SLC38A8: variants seen among roughly 807,000 people sequenced by gnomAD.
SLC38A8 encodes amino acid transporter SLC38A8.
A neutral mutation model predicts 46.0 loss-of-function variants in SLC38A8; 65 were observed. The observed-to-expected ratio is 1.41, with a 90% confidence interval of 1.16 to 1.74. The LOEUF is 1.74. Ranked by LOEUF, SLC38A8 falls within the 40% of genes most tolerant of loss-of-function variation. The pLI is 0.00. For missense variants in SLC38A8, 998 were observed against 567.9 expected (o/e 1.76, Z -7.70); for synonymous variants, 447 against 243.7 (o/e 1.83, Z -7.77).
At chr16:84,022,384 G>A (rs1467169303) in intron 7 of SLC38A8, among the ~76,000 whole-genome samples, 2 of 152,182 alleles carry the variant, frequency 1.3e-5, no homozygotes, top group South Asian at 2.1e-4. Flanking sequence ...GAGCACCTGA[G>A]TCCACTGCAC....
At chr16:84,017,105 T>G in intron 8 of SLC38A8, 35 bp downstream of exon 8, 1 of 1,611,806 alleles carries the variant, frequency 6.2e-7, no homozygotes, top group Non-Finnish European at 8.5e-7. Flanking sequence ...CAGCAGACCA[T>G]GCTTCACGGT....
intron 4 of SLC38A8, among the ~76,000 whole-genome samples, chr16:84,033,002 G>C (rs1459996338): frequency 6.7e-6 from 1 of 149,508 alleles, no homozygotes; most frequent in African/African-American, 2.5e-5. Context: ...GTGCATGGGG[G>C]GGTGTGGGTA....
rs375081603 is a variant in SLC38A8, at chr16:84,024,610, G to A, written c.691-1721C>T. Among the ~76,000 whole-genome samples the A allele has an allele frequency of 4.1e-4, 62 of 151,634 alleles. 1 individual carries two copies. The East Asian group carries it at 6.9e-3, about 17-fold the overall frequency. On this transcript the variant is annotated intron_variant, in intron 6 of 10. Transcript: ENST00000299709. The stretch of plus-strand genomic sequence containing the variant: ...AGCCTGGCCAACATGGTGAAACCCC[G>A]TCTCTACTAAAAGTATAAAAATTAG...
chr16:84,043,194 C>T (rs1047455176), upstream of SLC38A8, among the ~76,000 whole-genome samples: 8 of 152,168 alleles, frequency 5.3e-5, no homozygotes, highest in African/African-American at 1.4e-4. Context: ...TTGTTGAACG[C>T]TTGGGGGAGG....
intron 3 of SLC38A8, 25 bp downstream of exon 3, chr16:84,036,677 C>A: frequency 6.2e-7 from 1 of 1,613,410 alleles, no homozygotes; most frequent in East Asian, 2.2e-5. Flanking sequence ...CCCTGGGCCA[C>A]CCCGAGTCCC....
chr16:84,028,297 G>C (rs188509181), intron 6 of SLC38A8, among the ~76,000 whole-genome samples: 2 of 152,060 alleles, frequency 1.3e-5, no homozygotes, highest in Non-Finnish European at 2.9e-5. Context: ...AATAAGCAGC[G>C]TGGCCAGGCA....
In SLC38A8 at chr16:84,042,035, G is replaced by T. The variant is rs757575334; in HGVS notation, c.123C>A (p.Gly41=). Reference sequence around the variant, plus strand: ...AGAAGGCCCAGGGGAAGTTGAGCAGGCCAGCTCCCAGCGCGGACTTCATGA... The same window carrying T: ...AGAAGGCCCAGGGGAAGTTGAGCAGTCCAGCTCCCAGCGCGGACTTCATGA... ...FILMKSALGA[G]LLNFPWAFSK... Residue 41 remains glycine, a synonymous_variant, in exon 2 of 11, where the codon GGC becomes GGA. Transcript: ENST00000299709. 2 of 1,613,840 alleles carry T rather than the reference G, an allele frequency of 1.2e-6. No homozygotes were observed. Among genetic ancestry groups the T allele is most frequent in the Admixed American group, 1.7e-5 (1 of 59,990 alleles).
rs201468844 is a variant in SLC38A8, at chr16:84,022,776, C to G, written c.804G>C (p.Thr268=). 1.2e-5 allele frequency: 20 copies of G among 1,613,762 alleles called. No homozygotes were observed. In the East Asian group the frequency reaches 2.7e-4, roughly 22 times the overall value. The change falls in exon 7 of 11, where the codon ACG becomes ACC. Residue 268 remains threonine (T), a splice_region_variant and synonymous_variant. Coordinates refer to ENST00000299709, the MANE Select transcript of SLC38A8 (RefSeq NM_001080442.3). The part of the protein sequence containing the change: ...LLACCLIYSL[T]GVYGFLTFGT... Reference sequence around the variant, plus strand: ...AGGGGTGCCTGGGAAGGGCCTTACCCGTCAGTGAATAGATGAGGCAGCAGG... The same window carrying G: ...AGGGGTGCCTGGGAAGGGCCTTACCGGTCAGTGAATAGATGAGGCAGCAGG...
chr16:84,021,217 C>A (rs1165583823), intron 7 of SLC38A8, among the ~76,000 whole-genome samples: 1 of 152,184 alleles, frequency 6.6e-6, no homozygotes, highest in East Asian at 1.9e-4. Flanking sequence ...TGCCCCGCCA[C>A]CATGCTCGGC....
At chr16:84,024,654 A>G (rs1232027293) in intron 6 of SLC38A8, among the ~76,000 whole-genome samples, 9 of 152,026 alleles carry the variant, frequency 5.9e-5, no homozygotes, top group Non-Finnish European at 8.8e-5. Context: ...GGTGGCAAGC[A>G]CCTGTAATCC....
At chr16:84,034,729 A>G (rs35968034) in intron 3 of SLC38A8, among the ~76,000 whole-genome samples, 34,084 of 151,790 alleles carry the variant, frequency 0.22, 4,138 homozygotes, top group South Asian at 0.28. Context: ...CACGTGGGAG[A>G]GCCGAGATGC....
At chr16:84,016,136 G>C (rs554582600) in intron 9 of SLC38A8, among the ~76,000 whole-genome samples, 1 of 151,756 alleles carries the variant, frequency 6.6e-6, no homozygotes, top group African/African-American at 2.4e-5. Flanking sequence ...GGGCGGGGGG[G>C]GACCCCCACT....
At chr16:84,012,857 G>C in intron 10 of SLC38A8, 144 bp downstream of exon 10, 2 of 929,994 alleles carry the variant, frequency 2.2e-6, no homozygotes, top group Non-Finnish European at 3.3e-6. Context: ...ATACTGGGTA[G>C]ACAGAGACTC....
intron 6 of SLC38A8, among the ~76,000 whole-genome samples, chr16:84,028,490 C>T (rs2085193067): frequency 6.6e-6 from 1 of 151,488 alleles, no homozygotes; most frequent in Non-Finnish European, 1.5e-5. Context: ...GAGGCTTGAA[C>T]CCAGGAGGTG....
chr16:84,025,015 A>G (rs2085145122), intron 6 of SLC38A8, among the ~76,000 whole-genome samples: 1 of 152,126 alleles, frequency 6.6e-6, no homozygotes. Context: ...TACACAGTCA[A>G]TGCCAAGAGC....
chr16:84,011,964 G>C (rs537044794), intron 10 of SLC38A8, among the ~76,000 whole-genome samples: 1 of 152,210 alleles, frequency 6.6e-6, no homozygotes, highest in African/African-American at 2.4e-5. Context: ...TAAAGGCAGA[G>C]ACTGGAGTGA....
At chr16:84,035,309 A>T (rs1202562322) in intron 3 of SLC38A8, among the ~76,000 whole-genome samples, 5 of 152,186 alleles carry the variant, frequency 3.3e-5, no homozygotes, top group African/African-American at 1.2e-4. Flanking sequence ...TCTTCTTGGT[A>T]TAAGGTCGTG....
chr16:84,040,863 TGAG>T (rs989722555), intron 2 of SLC38A8, among the ~76,000 whole-genome samples: 3 of 152,158 alleles, frequency 2.0e-5, no homozygotes, highest in African/African-American at 7.2e-5. Context: ...CAAAGCTCCA[TGAG>T]GACAGGGACC....
intron 10 of SLC38A8, among the ~76,000 whole-genome samples, chr16:84,010,288 C>A (rs1290132246): frequency 3.9e-5 from 6 of 151,932 alleles, no homozygotes; most frequent in Admixed American, 2.0e-4. Flanking sequence ...CTAGGCTGGT[C>A]TTGAACTCCT....
Sources: gnomAD v4.1 joint callset for allele counts (sites outside exome capture counted in the v4.1 genomes callset) on GRCh38, gnomAD v4.1.1 for gene constraint, MANE v1.5 for transcripts, NCBI Gene and HGNC (gene_info 2026-07-23, HGNC 2026-07-21) for gene names.